The following ERC2 variants were observed in gnomAD, a reference collection of about 807,000 sequenced individuals.
ERC2 encodes ELKS/RAB6-interacting/CAST family member 2, also known as ERC protein 2.
In ERC2, 42 loss-of-function variants were observed where a neutral mutation model predicts 114.8. The ratio of observed to expected loss-of-function variants is 0.37; its 90% CI spans 0.29 to 0.47. The LOEUF is 0.47. ERC2 is among the 20% of genes least tolerant of loss of function. ERC2 has a pLI of 0.99. For missense variants in ERC2, 939 were observed against 1,150.7 expected, an observed-to-expected ratio of 0.82 and a Z score of 2.66; for synonymous variants, 454 against 425.5, an observed-to-expected ratio of 1.07 and a Z score of -0.82.
rs869296098 is a variant in ERC2, at chr3:55,675,903, C to CT, written c.*39+7890dup. Among the ~76,000 whole-genome samples, 76 of 47,984 alleles carry CT rather than the reference C, an allele frequency of 1.6e-3. 12 individuals carry two copies. The highest frequency in any genetic ancestry group is 6.6e-3 in the African/African-American group (70 of 10,550). 31.5% of individuals were successfully genotyped at this position (47,984 alleles called of 152,430 possible). On this transcript the variant is annotated intron_variant, in intron 17 of 17. Transcript: ENST00000288221. The stretch of plus-strand genomic sequence containing the variant: ...TTCCATCTTTCTTTCTCTTTTCTTT[C>CT]TTTTTTTTTTTTTTTTTTTTTTTTT...
chr3:56,083,918 T>C (rs1217116942), intron 6 of ERC2, among the ~76,000 whole-genome samples: 1 of 147,172 alleles, frequency 6.8e-6, no homozygotes, highest in East Asian at 2.0e-4. Context: ...AAAAAAAAAA[T>C]GGAACAGGGG....
rs1219348932 is a variant in ERC2 at position 55,978,365 on chromosome 3, A to T, written c.2267+7612T>A. Among the ~76,000 whole-genome samples, 3 of 152,228 alleles carry T rather than the reference A, an allele frequency of 2.0e-5. No homozygotes were observed. The East Asian group carries it at 5.8e-4, about 29-fold the overall frequency. On this transcript the variant is annotated intron_variant, in intron 12 of 17. Transcript: ENST00000288221. Reference sequence around the variant, plus strand: ...CATTTTTCTATGTTCACTTATTCATATCCCTGGGGTCAAGGGAAGCATGCA... The same window carrying T: ...CATTTTTCTATGTTCACTTATTCATTTCCCTGGGGTCAAGGGAAGCATGCA...
At chr3:56,069,240 T>C (rs1033555057) in intron 7 of ERC2, among the ~76,000 whole-genome samples, 1 of 152,210 alleles carries the variant, frequency 6.6e-6, no homozygotes, top group Non-Finnish European at 1.5e-5. Flanking sequence ...GGTGCCACTT[T>C]AGTGGACCAG....
At chr3:56,460,964 CAAA>C (rs35313545) in intron 1 of ERC2, among the ~76,000 whole-genome samples, 27 of 98,184 alleles carry the variant, frequency 2.7e-4, no homozygotes, top group Non-Finnish European at 3.0e-4. Flanking sequence ...ACTAAAAATA[CAAA>C]AAAAAAAAAA....
At chr3:55,539,415 C>CTTTTTTTTTTT (rs58749389) in intron 17 of ERC2, among the ~76,000 whole-genome samples, 466 of 39,132 alleles carry the variant, frequency 0.012, 22 homozygotes, top group Middle Eastern at 0.056. Context: ...TTTTTTCTTT[C>CTTTTTTTTTTT]TTTTTTTTTT....
chr3:55,713,131 T>TCACACACA (rs10656961), intron 15 of ERC2, among the ~76,000 whole-genome samples: 5,314 of 139,344 alleles, frequency 0.038, 124 homozygotes, highest in African/African-American at 0.057. Flanking sequence ...TCTCTCTGTC[T>TCACACACA]CACACACACA....
intron 2 of ERC2, among the ~76,000 whole-genome samples, chr3:56,427,154 C>A (rs1442248615): frequency 6.7e-6 from 1 of 150,218 alleles, no homozygotes; most frequent in Non-Finnish European, 1.5e-5. Context: ...ACAGTGAGAT[C>A]CTGTCTCAGA....
intron 14 of ERC2, among the ~76,000 whole-genome samples, chr3:55,736,273 C>A (rs1034531055): frequency 1.1e-4 from 16 of 152,208 alleles, no homozygotes; most frequent in African/African-American, 3.4e-4. Flanking sequence ...ATGACAACCT[C>A]TCTGAGGGCC....
intron 13 of ERC2, among the ~76,000 whole-genome samples, chr3:55,939,336 T>G (rs1490170438): frequency 6.6e-6 from 1 of 152,254 alleles, no homozygotes. Flanking sequence ...AATCGGCATT[T>G]GCCCAAGTTC....
intron 15 of ERC2, among the ~76,000 whole-genome samples, chr3:55,706,382 T>C (rs551695144): frequency 5.3e-5 from 8 of 152,092 alleles, no homozygotes; most frequent in Admixed American, 5.2e-4. Flanking sequence ...TTCTGTTTTT[T>C]TTTGTTTTTG....
chr3:55,697,007 G>C (rs996119886), intron 16 of ERC2, among the ~76,000 whole-genome samples: 2 of 152,294 alleles, frequency 1.3e-5, no homozygotes, highest in East Asian at 1.9e-4. Flanking sequence ...AGTTTCTAAG[G>C]TATGGGCCCC....
At chr3:55,929,068 A>G (rs938458716) in intron 13 of ERC2, among the ~76,000 whole-genome samples, 2 of 152,036 alleles carry the variant, frequency 1.3e-5, no homozygotes, top group Non-Finnish European at 2.9e-5. Flanking sequence ...AGTACTCCCC[A>G]TCTCCTTGAC....
At chr3:56,188,324 A>T (rs1312072683) in intron 3 of ERC2, among the ~76,000 whole-genome samples, 1 of 152,128 alleles carries the variant, frequency 6.6e-6, no homozygotes, top group Non-Finnish European at 1.5e-5. Flanking sequence ...TCTCTCGAGT[A>T]CGTGGAGAAG....
At chr3:55,956,388 T>C (rs913173728) in intron 12 of ERC2, among the ~76,000 whole-genome samples, 2 of 152,130 alleles carry the variant, frequency 1.3e-5, no homozygotes, top group Admixed American at 1.3e-4. Flanking sequence ...CAATGCACAT[T>C]GCATGCAGAA....
intron 3 of ERC2, among the ~76,000 whole-genome samples, chr3:56,239,114 A>T (rs2051151722): frequency 6.6e-6 from 1 of 152,360 alleles, no homozygotes; most frequent in South Asian, 2.1e-4. Flanking sequence ...ATCAACTGGC[A>T]ATTAATCCTT....
intron 2 of ERC2, among the ~76,000 whole-genome samples, chr3:56,371,169 T>A (rs779585346): frequency 6.6e-6 from 1 of 152,122 alleles, no homozygotes; most frequent in Admixed American, 6.5e-5. Context: ...AAAGACCAAA[T>A]AGGCAAAAGA....
intron 8 of ERC2, among the ~76,000 whole-genome samples, chr3:56,015,065 T>C (rs1216665320): frequency 2.0e-5 from 3 of 152,202 alleles, no homozygotes; most frequent in Non-Finnish European, 4.4e-5. Context: ...ATAACTTTAT[T>C]AACCAGCAAC....
At chr3:56,150,015 C>T (rs778332516) in intron 4 of ERC2, among the ~76,000 whole-genome samples, 1 of 152,148 alleles carries the variant, frequency 6.6e-6, no homozygotes, top group African/African-American at 2.4e-5. Flanking sequence ...AAGTATTAGG[C>T]TTCAATCGGT....
chr3:55,522,286 C>A (rs2053011648), intron 17 of ERC2, among the ~76,000 whole-genome samples: 1 of 152,100 alleles, frequency 6.6e-6, no homozygotes, highest in Admixed American at 6.6e-5. Context: ...GGCCTTTTAA[C>A]GATATGCTGC....
Sources: allele counts gnomAD v4.1 joint callset (sites outside exome capture counted in the v4.1 genomes callset), GRCh38; gene constraint gnomAD v4.1.1; transcripts MANE v1.5; gene names NCBI Gene and HGNC (gene_info 2026-07-23, HGNC 2026-07-21).